Variants in FAT2 observed in about 807,000 individuals in gnomAD.
FAT2 encodes the protein FAT atypical cadherin 2, also known as protocadherin Fat 2.
FAT2 carries 150 observed loss-of-function variants against 295.3 expected under a neutral mutation model. The observed-to-expected ratio is 0.51, with a 90% CI of 0.44 to 0.58. The LOEUF is 0.58. Among genes scored for constraint, FAT2 ranks in the 20% least tolerant of loss-of-function variants. The probability of loss-of-function intolerance (pLI) is 0.00; values close to 1 mark genes in which losing one functional copy is unlikely to be tolerated. For missense variants in FAT2, 4,868 were observed against 5,442.7 expected (o/e 0.89, Z 3.32); for synonymous variants, 2,026 against 2,150.3 (o/e 0.94, Z 1.60).
At position 151,545,802 on chromosome 5, in the gene FAT2, G is replaced by A; in HGVS notation, c.5325C>T (p.Ser1775=). The A allele has an allele frequency of 1.2e-6, 2 of 1,614,220 alleles. No individual in the cohort carries two copies. The highest frequency in any genetic ancestry group is 2.2e-5 in the South Asian group (2 of 91,084). The change falls in exon 10 of 24, where the codon AGC becomes AGT. Residue 1775 remains serine (S), a synonymous_variant. Transcript: ENST00000261800. ...GQISEAAPLY[S]MIMDKNNNPF... ...GGTTGTTGTTTTTATCCATGATCATGCTATACAGTGGAGCTGCTTCACTAA... is the reference window on the plus strand; with the variant it reads ...GGTTGTTGTTTTTATCCATGATCATACTATACAGTGGAGCTGCTTCACTAA...
In FAT2 at chr5:151,505,621, C is replaced by T. The variant is rs2127562084; in HGVS notation, c.12994G>A (p.Glu4332Lys). 1 of 1,614,178 alleles carries T rather than the reference C, an allele frequency of 6.2e-7. No homozygotes were observed. The highest frequency in any genetic ancestry group is 1.3e-5 in the African/African-American group (1 of 75,054). The change falls in exon 24 of 24, where the codon GAG (glutamate) becomes AAG (lysine). Residue 4332 changes from glutamate (E) to lysine (K), a missense_variant. Glu to Lys is a moderately conservative substitution (Grantham distance 56). Coordinates refer to ENST00000261800, the MANE Select transcript of FAT2 (RefSeq NM_001447.3). ...TCACTCTCCACCATGTCAGAGCCCT[C>T]ATAGTTGGGGGGCACCCGGGGCTGG... ...QGQPRVPPNY[E>K]GSDMVESDYG...
rs370554638 is a variant in FAT2, at chr5:151,551,579, A to C, written c.4184T>G (p.Ile1395Ser). 6.2e-7 allele frequency: 1 copy of C among 1,614,182 alleles called. No individual in the cohort carries two copies. Among genetic ancestry groups the C allele is most frequent in the East Asian group, 2.2e-5 (1 of 44,886 alleles). The stretch of plus-strand genomic sequence containing the variant: ...GACGATGCTGCCTGTGGTCTTCTCA[A>C]TGTCAAAGTCCATGTCCTTATCCCC... The part of the protein sequence containing the change: ...SGGDKDMDFD[I>S]EKTTGSIVIA... The change falls in exon 7 of 24, where the codon ATT becomes AGT. Residue 1395 changes from isoleucine (I) to serine (S), a missense_variant. Ile to Ser is a moderately radical substitution (Grantham distance 142). Transcript: ENST00000261800.
chr5:151,534,669 G>T (rs35531055), intron 12 of FAT2, 27 bp from the exon 13 acceptor site: 1 of 1,583,122 alleles, frequency 6.3e-7, no homozygotes, highest in Non-Finnish European at 8.7e-7. Context: ...CAAAAGTTGA[G>T]CTTTCTCTGG....
chr5:151,575,907 G>A (rs1758729217), intron 1 of FAT2, among the ~76,000 whole-genome samples: 1 of 152,200 alleles, frequency 6.6e-6, no homozygotes, highest in African/African-American at 2.4e-5. Context: ...TACAATTGAG[G>A]AGTTGAGTTT....
chr5:151,579,880 A>G (rs746860772), intron 1 of FAT2, among the ~76,000 whole-genome samples: 6 of 152,190 alleles, frequency 3.9e-5, no homozygotes, highest in Non-Finnish European at 5.9e-5. Context: ...TTGTTATTTT[A>G]TAACTATCAT....
Position 151,568,919 on chromosome 5 carries a change from G to C in FAT2, c.13C>G (p.Leu5Val), listed in dbSNP as rs1488441223. The C allele has an allele frequency of 1.1e-5, 18 of 1,603,284 alleles. No homozygotes were observed. Among genetic ancestry groups the C allele is most frequent in the Non-Finnish European group, 1.4e-5 (16 of 1,174,656 alleles). Residue 5 changes from leucine to valine, a missense_variant, in exon 2 of 24, where the codon CTG becomes GTG. Leu to Val is a conservative substitution (Grantham distance 32). This residue lies in a region of FAT2 where 3,297 missense variants were observed against 3,669.4 expected (regional missense o/e 0.90). Coordinates refer to ENST00000261800, the MANE Select transcript of FAT2 (RefSeq NM_001447.3). MTIA[L>V]LGFAIFLLHC... ...AGCAAGAATATGGCAAAACCCAGCA[G>C]GGCAATAGTCATGGTGGAAAACTCC...
Position 151,529,483 on chromosome 5 carries a change from G to A in FAT2, c.9812-91C>T, listed in dbSNP as rs1034895477. 1.1e-5 allele frequency: 11 copies of A among 1,040,142 alleles called. No individual in the cohort carries two copies. The African/African-American group carries it at 1.7e-4, about 16-fold the overall frequency. The allele number at this position is 1,040,142 out of a possible 1,614,324, so 64.4% of individuals were successfully genotyped here. ...TCTGAGCCCAGCCCTAGGAGAGGCA[G>A]CTCAACAGGGCTAGGCAAGGTAAGT... On this transcript the variant is annotated intron_variant, in intron 14 of 23. Transcript: ENST00000261800.
At chr5:151,582,244 G>C (rs1278817888) in intron 1 of FAT2, among the ~76,000 whole-genome samples, 8 of 152,206 alleles carry the variant, frequency 5.3e-5, no homozygotes, top group Non-Finnish European at 1.0e-4. Context: ...AAGTCCCTGT[G>C]TTCAACATTC....
Position 151,504,169 on chromosome 5 carries a change from TCACA to T in FAT2, c.*1392_*1395del, listed in dbSNP as rs561435886. 1 of 152,242 alleles carries T rather than the reference TCACA, an allele frequency of 6.6e-6. No homozygotes were observed. The highest frequency in any genetic ancestry group is 1.5e-5 in the Non-Finnish European group (1 of 67,924). 9.4% of individuals were successfully genotyped at this position (152,242 alleles called of 1,614,324 possible). A position where few individuals can be genotyped will look rare whatever the true frequency, so the allele number is the denominator to read the frequency against. On this transcript the variant is annotated 3_prime_UTR_variant, in exon 24 of 24. Coordinates refer to ENST00000261800, the MANE Select transcript of FAT2 (RefSeq NM_001447.3). ...ATGTATCTGTCACTCACACTCACAG[TCACA>T]CACACAGCCACAAACCACTCACACA...
intron 13 of FAT2, among the ~76,000 whole-genome samples, chr5:151,532,648 A>G (rs1442477215): frequency 2.0e-5 from 3 of 152,212 alleles, no homozygotes; most frequent in Admixed American, 6.5e-5. Flanking sequence ...GAAAACACCC[A>G]TGGAAGTTCT....
rs1581454350 is a variant in FAT2, at chr5:151,568,146, A to G, written c.786T>C (p.Thr262=). ...KPPAIASVVV[T]PPDSNDGTTY... is the part of the protein sequence containing the mutation. ...TGGTACCATCATTGCTGTCTGGTGG[A>G]GTCACCACCACCGAAGCAATGGCTG... The change falls in exon 2 of 24, where the codon ACT becomes ACC. Residue 262 remains threonine (T), a synonymous_variant. Transcript: ENST00000261800. 6.2e-7 allele frequency: 1 copy of G among 1,614,002 alleles called. No individual in the cohort carries two copies. The highest frequency in any genetic ancestry group is 1.3e-5 in the African/African-American group (1 of 75,032).
At chr5:151,557,325 C>T (rs958384515) in intron 3 of FAT2, among the ~76,000 whole-genome samples, 1 of 152,110 alleles carries the variant, frequency 6.6e-6, no homozygotes, top group African/African-American at 2.4e-5. Context: ...TTTAGTCCTT[C>T]ATTATCTGGG....
chr5:151,538,027 G>T, intron 11 of FAT2, 81 bp from the exon 12 acceptor site: 1 of 1,313,704 alleles, frequency 7.6e-7, no homozygotes, highest in Non-Finnish European at 1.1e-6. Flanking sequence ...CTGACTGAGG[G>T]AGGCAGAAGC....
In FAT2 at chr5:151,517,706, T is replaced by A; in HGVS notation, c.11377A>T (p.Asn3793Tyr). ...YVRYRAPAAR[N>Y]WHIHFYLKTL... Reference sequence around the variant, plus strand: ...TTCAGATAGAAATGGATGTGCCAGTTCCGAGCCGCTGGGGCCCTGTACCGC... The same window carrying A: ...TTCAGATAGAAATGGATGTGCCAGTACCGAGCCGCTGGGGCCCTGTACCGC... The change falls in exon 20 of 24, where the codon AAC (asparagine) becomes TAC (tyrosine). Residue 3793 changes from asparagine (N) to tyrosine (Y), a missense_variant. By Grantham distance (143) the Asn-to-Tyr change is moderately radical. Coordinates refer to ENST00000261800, the MANE Select transcript of FAT2 (RefSeq NM_001447.3). 6.2e-7 allele frequency: 1 copy of A among 1,614,164 alleles called. No homozygotes were observed. The highest frequency in any genetic ancestry group is 1.7e-5 in the Admixed American group (1 of 60,016).
intron 3 of FAT2, among the ~76,000 whole-genome samples, chr5:151,559,281 G>A (rs1757918690): frequency 6.6e-6 from 1 of 152,158 alleles, no homozygotes; most frequent in Non-Finnish European, 1.5e-5. Context: ...GGCGTGCAAG[G>A]GATTGGAGAA....
At position 151,568,386 on chromosome 5, in the gene FAT2, C is replaced by T. The variant is rs1467070424; in HGVS notation, c.546G>A (p.Glu182=). The change falls in exon 2 of 24, where the codon GAG becomes GAA. Residue 182 remains glutamate (E), a synonymous_variant. Coordinates refer to ENST00000261800, the MANE Select transcript of FAT2 (RefSeq NM_001447.3). ...ATDADLGQNA[E]FYYAFNTRSE... The stretch of plus-strand genomic sequence containing the variant: ...ACCTTGTGTTAAAGGCATAATAGAA[C>T]TCAGCATTCTGGCCTAGATCAGCAT... 3.8e-5 allele frequency: 62 copies of T among 1,614,094 alleles called. No individual in the cohort carries two copies. The highest frequency in any genetic ancestry group is 5.0e-5 in the Non-Finnish European group (59 of 1,180,038).
At chr5:151,578,756 C>T (rs1758835845) in intron 1 of FAT2, among the ~76,000 whole-genome samples, 1 of 152,092 alleles carries the variant, frequency 6.6e-6, no homozygotes, top group Admixed American at 6.5e-5. Context: ...AAAATATGGC[C>T]TATATACACA....
In FAT2 at chr5:151,521,262, GA is replaced by G. The variant is rs754745337; in HGVS notation, c.11317+13del. On this transcript the variant is annotated intron_variant, in intron 19 of 23. Coordinates refer to ENST00000261800, the MANE Select transcript of FAT2 (RefSeq NM_001447.3). ...AGCAGTGCTGCTCGTCCCTAGGGAA[GA>G]TGTAGTACTTACCATTGCAGGAGCA... is the stretch of plus-strand genomic sequence containing the variant. 1 of 1,587,040 alleles carries G rather than the reference GA, an allele frequency of 6.3e-7. No individual in the cohort carries two copies. Among genetic ancestry groups the G allele is most frequent in the Non-Finnish European group, 8.6e-7 (1 of 1,162,620 alleles).
At chr5:151,559,086 C>A (rs532817673) in intron 3 of FAT2, among the ~76,000 whole-genome samples, 14 of 152,328 alleles carry the variant, frequency 9.2e-5, no homozygotes, top group South Asian at 2.1e-4. Flanking sequence ...CCCAGAGTTT[C>A]CCTGGGGGGC....
Sources: gnomAD v4.1 joint callset for allele counts (sites outside exome capture counted in the v4.1 genomes callset) on GRCh38, gnomAD v4.1.1 for gene constraint, gnomAD v4.1.1 regional missense constraint, MANE v1.5 for transcripts, NCBI Gene and HGNC (gene_info 2026-07-23, HGNC 2026-07-21) for gene names.